Variants in RANBP2 observed in about 807,000 individuals in gnomAD.
The protein encoded by RANBP2 is E3 SUMO-protein ligase RanBP2.
Under a neutral mutation model 303.6 loss-of-function variants are expected in RANBP2, and 57 were observed. The observed-to-expected ratio is 0.19, with a 90% CI of 0.15 to 0.23. RANBP2 has a LOEUF of 0.23. Ranked by LOEUF, RANBP2 falls within the 10% of genes least tolerant of loss-of-function variation. The pLI is 1.00. For synonymous variants in RANBP2, 1,167 were observed against 1,301.5 expected (o/e 0.90, Z 2.23); for missense variants, 3,138 against 3,780.8 (o/e 0.83, Z 4.46).
the RANBP2 span, among the ~76,000 whole-genome samples, chr2:108,968,971 C>T: frequency 6.6e-6 from 1 of 152,186 alleles, no homozygotes; most frequent in Admixed American, 6.5e-5. Context: ...GGACCTTAAG[C>T]AGTTTTGTTA....
chr2:109,404,203 A>C, the RANBP2 span, among the ~76,000 whole-genome samples: 1 of 152,188 alleles, frequency 6.6e-6, no homozygotes, highest in Non-Finnish European at 1.5e-5. Context: ...AAAGTGTCAG[A>C]GACTGACACC....
At chr2:108,959,724 C>T in the RANBP2 span, among the ~76,000 whole-genome samples, 1 of 152,076 alleles carries the variant, frequency 6.6e-6, no homozygotes, top group African/African-American at 2.4e-5. Flanking sequence ...CTTTCCCCAG[C>T]GTATGAGAGC....
At position 108,783,785 on chromosome 2, in the gene RANBP2, G is replaced by A. The variant is rs768361720; in HGVS notation, c.9559G>A (p.Val3187Ile). The A allele has an allele frequency of 6.2e-7, 1 of 1,611,992 alleles. No individual in the cohort carries two copies. The highest frequency in any genetic ancestry group is 1.1e-5 in the South Asian group (1 of 91,046). The change falls in exon 29 of 29, where the codon GTA becomes ATA. Residue 3187 changes from valine (V) to isoleucine (I), a missense_variant. Physicochemically the swap from Val to Ile is conservative, Grantham distance 29. This residue lies in a region of RANBP2 where 22 missense variants were observed against 48.8 expected (regional missense o/e 0.45). Transcript: ENST00000283195. ...AGCAGAACATTTGGACTTTAAGCATGTAGTATTTGGGTTTGTTAAGGATGG... is the reference window on the plus strand; with the variant it reads ...AGCAGAACATTTGGACTTTAAGCATATAGTATTTGGGTTTGTTAAGGATGG... ...KKAEHLDFKH[V>I]VFGFVKDGMD... is the part of the protein sequence containing the mutation.
chr2:109,326,335 A>G, the RANBP2 span, among the ~76,000 whole-genome samples: 12 of 152,182 alleles, frequency 7.9e-5, no homozygotes, highest in South Asian at 2.1e-4. Flanking sequence ...TTCACAGTTA[A>G]TGGGTATTTC....
chr2:109,057,740 G>A, the RANBP2 span, among the ~76,000 whole-genome samples: 3 of 152,222 alleles, frequency 2.0e-5, no homozygotes, highest in African/African-American at 7.2e-5. Context: ...TGCAGGATGA[G>A]CAAAGCACCC....
the RANBP2 span, chr2:109,545,812 G>T: frequency 7.0e-7 from 1 of 1,424,176 alleles, no homozygotes; most frequent in South Asian, 1.6e-5. Context: ...TTTTTATTTT[G>T]TTCATTCATT....
the RANBP2 span, among the ~76,000 whole-genome samples, chr2:109,690,364 A>T: frequency 1.3e-5 from 2 of 152,236 alleles, no homozygotes; most frequent in African/African-American, 4.8e-5. Flanking sequence ...GATGAGAGAC[A>T]AATGGTTGCA....
At chr2:109,424,582 CG>C in the RANBP2 span, among the ~76,000 whole-genome samples, 5 of 152,158 alleles carry the variant, frequency 3.3e-5, no homozygotes, top group African/African-American at 1.2e-4. Flanking sequence ...TGTCACATTT[CG>C]GTAATTCTTA....
At chr2:109,611,979 G>C in the RANBP2 span, among the ~76,000 whole-genome samples, 1 of 152,092 alleles carries the variant, frequency 6.6e-6, no homozygotes, top group Admixed American at 6.6e-5. Flanking sequence ...GTATTCCTGG[G>C]CATCTATCCC....
At chr2:109,397,727 T>C in the RANBP2 span, among the ~76,000 whole-genome samples, 1 of 152,186 alleles carries the variant, frequency 6.6e-6, no homozygotes, top group African/African-American at 2.4e-5. Context: ...GTGCCTGGGC[T>C]GCCCCTCCCA....
chr2:109,252,202 T>C, the RANBP2 span, among the ~76,000 whole-genome samples: 1 of 150,634 alleles, frequency 6.6e-6, no homozygotes, highest in Non-Finnish European at 1.5e-5. Context: ...GAACCAAGAT[T>C]GCACCACTGC....
chr2:109,126,709 C>T, the RANBP2 span, among the ~76,000 whole-genome samples: 1 of 152,210 alleles, frequency 6.6e-6, no homozygotes, highest in Admixed American at 6.5e-5. Context: ...ACACTGCAGG[C>T]TCTATCTGTG....
chr2:109,122,763 C>T, the RANBP2 span, among the ~76,000 whole-genome samples: 1 of 152,112 alleles, frequency 6.6e-6, no homozygotes, highest in African/African-American at 2.4e-5. Flanking sequence ...CCCAGCTACT[C>T]AGTAGGCTGA....
chr2:108,755,479 C>T (rs1199389440), intron 17 of RANBP2, among the ~76,000 whole-genome samples: 3 of 151,694 alleles, frequency 2.0e-5, no homozygotes, highest in African/African-American at 7.3e-5. Context: ...TGGCTTCGAC[C>T]TCCTAGCTCA....
At chr2:109,236,784 T>C in the RANBP2 span, among the ~76,000 whole-genome samples, 112,512 of 152,134 alleles carry the variant, frequency 0.74, 42,182 homozygotes, top group East Asian at 0.89. Context: ...GGGTGAGCCT[T>C]CTTAGCCAGG....
the RANBP2 span, among the ~76,000 whole-genome samples, chr2:109,024,113 C>T: frequency 7.2e-5 from 11 of 152,078 alleles, no homozygotes; most frequent in African/African-American, 2.4e-4. Context: ...TTAGTAGAGA[C>T]GGGGTTTCTC....
chr2:109,563,703 CAATCT>C, the RANBP2 span, among the ~76,000 whole-genome samples: 1 of 152,190 alleles, frequency 6.6e-6, no homozygotes, highest in African/African-American at 2.4e-5. Context: ...TGGCAAGAAA[CAATCT>C]AATCTCCAAC....
chr2:109,524,444 C>CAAAAAAAAAAAAAA, the RANBP2 span, among the ~76,000 whole-genome samples: 52 of 84,396 alleles, frequency 6.2e-4, 1 homozygote, highest in East Asian at 4.5e-3. Context: ...GACCCTGTCT[C>CAAAAAAAAAAAAAA]AAAAAAAAAA....
chr2:108,748,283 C>A (rs1268267803), intron 8 of RANBP2, among the ~76,000 whole-genome samples: 2 of 151,438 alleles, frequency 1.3e-5, no homozygotes, highest in Admixed American at 6.6e-5. Context: ...TCTCGGCTCA[C>A]TGCAAGCTCC....
Sources: gnomAD v4.1 joint callset for allele counts (sites outside exome capture counted in the v4.1 genomes callset) on GRCh38, gnomAD v4.1.1 for gene constraint, gnomAD v4.1.1 regional missense constraint, MANE v1.5 for transcripts, NCBI Gene and HGNC (gene_info 2026-07-23, HGNC 2026-07-21) for gene names.